CWH43: variants seen among roughly 807,000 people sequenced by gnomAD.
CWH43 encodes the protein cell wall biogenesis 43 C-terminal homolog.
CWH43 carries 91 observed loss-of-function variants against 85.7 expected under a neutral mutation model. The ratio of observed to expected loss-of-function variants is 1.06; its 90% CI spans 0.90 to 1.26. The LOEUF (loss-of-function observed/expected upper bound fraction) is 1.26. CWH43 is among the 50% of genes most tolerant of loss of function. CWH43 has a pLI of 0.00. For synonymous variants in CWH43, 323 were observed against 293.6 expected (o/e 1.10, Z -1.02); for missense variants, 869 against 839.2 (o/e 1.04, Z -0.44).
At chr4:49,051,764 A>G (rs1157531825) in intron 15 of CWH43, among the ~76,000 whole-genome samples, 3 of 152,242 alleles carry the variant, frequency 2.0e-5, no homozygotes, top group Non-Finnish European at 2.9e-5. Context: ...TTTAGTAAAG[A>G]CAGGGTTTCA....
intron 5 of CWH43, among the ~76,000 whole-genome samples, chr4:48,995,964 C>T (rs1011081726): frequency 2.0e-4 from 30 of 151,320 alleles, no homozygotes; most frequent in African/African-American, 7.1e-4. Context: ...CTCAGCAGTT[C>T]CCCCCCACCA....
chr4:49,009,996 G>A (rs1415246621), intron 8 of CWH43, among the ~76,000 whole-genome samples: 2 of 152,334 alleles, frequency 1.3e-5, no homozygotes, highest in East Asian at 1.9e-4. Context: ...CTCATAAAAT[G>A]AGTTAGGGAG....
intron 14 of CWH43, 37 bp downstream of exon 14, chr4:49,044,884 A>G: frequency 2.0e-6 from 3 of 1,534,646 alleles, no homozygotes; most frequent in Non-Finnish European, 2.7e-6. Context: ...TTAATCTATT[A>G]TTAATGTGAT....
chr4:49,004,587 G>A (rs1179958252), intron 7 of CWH43, among the ~76,000 whole-genome samples: 3 of 152,084 alleles, frequency 2.0e-5, no homozygotes, highest in African/African-American at 7.2e-5. Context: ...CAGGGGTCTT[G>A]CTATGTTGCA....
intron 9 of CWH43, among the ~76,000 whole-genome samples, chr4:49,024,261 G>A (rs1003418198): frequency 4.6e-5 from 7 of 152,152 alleles, no homozygotes; most frequent in African/African-American, 1.7e-4. Flanking sequence ...GTCTTTTGAA[G>A]ACAGCAGGAA....
intron 14 of CWH43, among the ~76,000 whole-genome samples, chr4:49,049,623 C>T (rs1335308335): frequency 6.6e-6 from 1 of 152,134 alleles, no homozygotes; most frequent in African/African-American, 2.4e-5. Context: ...CTCTTATGCA[C>T]TTCACTCCGG....
intron 11 of CWH43, among the ~76,000 whole-genome samples, chr4:49,031,657 G>A (rs139616934): frequency 1.3e-4 from 20 of 152,344 alleles, no homozygotes; most frequent in Non-Finnish European, 2.1e-4. Flanking sequence ...TCAGGGGCAA[G>A]AGTGGGAGCC....
At chr4:49,044,985 T>C (rs1353183877) in intron 14 of CWH43, 138 bp downstream of exon 14, 7 of 642,232 alleles carry the variant, frequency 1.1e-5, no homozygotes, top group Non-Finnish European at 1.9e-5. Context: ...TTTATAAACA[T>C]TGATTTGACT....
chr4:49,027,287 T>C (rs1037373972), intron 9 of CWH43, among the ~76,000 whole-genome samples: 7 of 152,142 alleles, frequency 4.6e-5, no homozygotes, highest in Non-Finnish European at 1.0e-4. Flanking sequence ...TGTTGTTGGG[T>C]GAGGAGAAGG....
chr4:49,059,700 C>T (rs1285597498), intron 15 of CWH43, among the ~76,000 whole-genome samples: 1 of 152,122 alleles, frequency 6.6e-6, no homozygotes, highest in Non-Finnish European at 1.5e-5. Context: ...TGCTTGGTGC[C>T]TGGATCAGCA....
At chr4:48,993,189 G>C (rs1782710279) in intron 4 of CWH43, among the ~76,000 whole-genome samples, 2 of 152,142 alleles carry the variant, frequency 1.3e-5, no homozygotes, top group Non-Finnish European at 2.9e-5. Context: ...CACCTTCTCA[G>C]CCTATCTGAG....
intron 5 of CWH43, among the ~76,000 whole-genome samples, chr4:48,995,384 C>T (rs1782781188): frequency 6.6e-6 from 1 of 152,162 alleles, no homozygotes; most frequent in South Asian, 2.1e-4. Context: ...TGTGTTTGGT[C>T]CTTTTTAACT....
chr4:48,999,045 T>C (rs937412943), intron 6 of CWH43, among the ~76,000 whole-genome samples: 1 of 152,138 alleles, frequency 6.6e-6, no homozygotes, highest in Non-Finnish European at 1.5e-5. Flanking sequence ...GTAATAAGCC[T>C]AGTACCCGTT....
chr4:49,039,679 T>A (rs1027584589), intron 13 of CWH43, among the ~76,000 whole-genome samples: 1 of 151,626 alleles, frequency 6.6e-6, no homozygotes, highest in African/African-American at 2.4e-5. Flanking sequence ...CATGGCATGA[T>A]GAGAATTTTC....
intron 6 of CWH43, among the ~76,000 whole-genome samples, chr4:49,002,833 G>C (rs951349668): frequency 1.1e-4 from 16 of 152,128 alleles, no homozygotes; most frequent in African/African-American, 3.9e-4. Flanking sequence ...GAGCTATGGG[G>C]CATTAAGATG....
At chr4:49,016,206 A>G (rs189419767) in intron 8 of CWH43, among the ~76,000 whole-genome samples, 73 of 152,330 alleles carry the variant, frequency 4.8e-4, no homozygotes, top group Non-Finnish European at 9.0e-4. Flanking sequence ...CTTTGCACAA[A>G]ATCATTGGCC....
rs571838293 is a variant in CWH43 at position 48,986,556 on chromosome 4, T to G, written c.43+84T>G. 310 of 1,541,548 alleles carry G rather than the reference T, an allele frequency of 2.0e-4. 2 individuals carry two copies. The African/African-American group carries it at 3.8e-3, about 19-fold the overall frequency. ...AGCCGTGGAGCCAGGCCAGGTTGGCTGAGTTCAGGTAGGAGGAAAAGGGCG... is the reference window on the plus strand; with the variant it reads ...AGCCGTGGAGCCAGGCCAGGTTGGCGGAGTTCAGGTAGGAGGAAAAGGGCG... On this transcript the variant is annotated intron_variant, in intron 1 of 15. Transcript: ENST00000226432.
intron 12 of CWH43, among the ~76,000 whole-genome samples, chr4:49,036,922 G>C (rs939356154): frequency 6.6e-5 from 10 of 152,076 alleles, no homozygotes; most frequent in African/African-American, 2.4e-4. Flanking sequence ...CCCACTAGTC[G>C]GTGCTGGCTT....
At chr4:49,006,091 AT>A (rs1560491350) in intron 7 of CWH43, among the ~76,000 whole-genome samples, 1 of 151,946 alleles carries the variant, frequency 6.6e-6, no homozygotes, top group African/African-American at 2.4e-5. Flanking sequence ...ATTTCTTCTG[AT>A]TTATTTCAGG....
Sources: gnomAD v4.1 joint callset for allele counts (sites outside exome capture counted in the v4.1 genomes callset) on GRCh38, gnomAD v4.1.1 for gene constraint, MANE v1.5 for transcripts, NCBI Gene and HGNC (gene_info 2026-07-23, HGNC 2026-07-21) for gene names.